PLCG2: variants seen among roughly 807,000 people sequenced by gnomAD.
The protein encoded by PLCG2 is 1-phosphatidylinositol 4,5-bisphosphate phosphodiesterase gamma-2.
A neutral mutation model predicts 175.6 loss-of-function variants in PLCG2; 69 were observed. The observed-to-expected ratio is 0.39, with a 90% CI of 0.32 to 0.48. The LOEUF is 0.48. Among genes scored for constraint, PLCG2 ranks in the 20% least tolerant of loss-of-function variants. The pLI, the probability that PLCG2 is intolerant of heterozygous loss-of-function variation, is 0.91. For missense variants in PLCG2, 1,798 were observed against 1,650.9 expected, an observed-to-expected ratio of 1.09 and a Z score of -1.54; for synonymous variants, 827 against 624.0, an observed-to-expected ratio of 1.33 and a Z score of -4.85.
At chr16:81,749,065 A>T (rs1909757070) in intron 1 of PLCG2, among the ~76,000 whole-genome samples, 1 of 152,038 alleles carries the variant, frequency 6.6e-6, no homozygotes, top group South Asian at 2.1e-4. Context: ...GCTCCTTTCC[A>T]CTGCGACTTT....
At chr16:81,781,191 T>A (rs72834726) in intron 1 of PLCG2, among the ~76,000 whole-genome samples, 2 of 152,276 alleles carry the variant, frequency 1.3e-5, no homozygotes, top group East Asian at 3.9e-4. Context: ...ACCACTCTCC[T>A]GGATTTACCA....
intron 5 of PLCG2, among the ~76,000 whole-genome samples, chr16:81,868,393 T>C (rs1907349900): frequency 6.6e-6 from 1 of 151,968 alleles, no homozygotes; most frequent in Admixed American, 6.6e-5. Context: ...TTTTTGGGGG[T>C]GCAGGGGGTC....
chr16:81,891,213 A>G (rs1367683417), intron 10 of PLCG2, among the ~76,000 whole-genome samples: 1 of 152,190 alleles, frequency 6.6e-6, no homozygotes, highest in Non-Finnish European at 1.5e-5. Flanking sequence ...GTAAGCATAA[A>G]CCCTTGCAGT....
rs564582171 is a variant in PLCG2 at position 81,781,996 on chromosome 16, C to G, written c.-48+2572C>G. On this transcript the variant is annotated intron_variant, in intron 1 of 32. Coordinates refer to ENST00000564138, the MANE Select transcript of PLCG2 (RefSeq NM_002661.5). ...ACGCCTTTCTCCTGCCTCAGCCTCA[C>G]GAGTAGCTGGGATTACAGGCATGTG... Among the ~76,000 whole-genome samples, 259 of 152,106 alleles carry G rather than the reference C, an allele frequency of 1.7e-3. 3 individuals are homozygous for G. In the South Asian group the frequency reaches 0.017, roughly 10 times the overall value.
Position 81,956,708 on chromosome 16 carries a change from A to C in PLCG2, c.3584A>C (p.Glu1195Ala). 1 of 1,613,934 alleles carries C rather than the reference A, an allele frequency of 6.2e-7. No individual in the cohort carries two copies. The highest frequency in any genetic ancestry group is 8.5e-7 in the Non-Finnish European group (1 of 1,179,968). The change falls in exon 32 of 33, where the codon GAA (glutamate) becomes GCA (alanine). Residue 1195 changes from glutamate to alanine, a missense_variant. Transcript: ENST00000564138. ...TGCATCCTCCAGGAGAGCGAAGAGG[A>C]ACTTTACTCCTCCTGTCGCCAGCTG... ...EMRPVLESEE[E>A]LYSSCRQLRR... is the part of the protein sequence containing the mutation.
chr16:81,770,371 A>T (rs1910251243), intron 2 of PLCG2, among the ~76,000 whole-genome samples: 1 of 152,226 alleles, frequency 6.6e-6, no homozygotes. Context: ...AAACAATGAC[A>T]AGAGAAAAGT....
intron 12 of PLCG2, among the ~76,000 whole-genome samples, chr16:81,894,006 C>T (rs1182055951): frequency 1.4e-5 from 2 of 138,006 alleles, no homozygotes; most frequent in Admixed American, 1.5e-4. Flanking sequence ...ATCTGTATCT[C>T]CTCAGCTTCC....
chr16:81,740,760 A>AAAC (rs1909575262), intron 1 of PLCG2, among the ~76,000 whole-genome samples: 2 of 134,400 alleles, frequency 1.5e-5, no homozygotes, highest in African/African-American at 5.7e-5. Context: ...AAAAAAAAAA[A>AAAC]CCGAAACCAA....
At chr16:81,821,835 C>G (rs890036544) in intron 2 of PLCG2, among the ~76,000 whole-genome samples, 7 of 152,018 alleles carry the variant, frequency 4.6e-5, no homozygotes, top group Admixed American at 1.3e-4. Context: ...TTTGGGGACC[C>G]CTCCCCTCTC....
chr16:81,942,370 C>A (rs1031172764), intron 30 of PLCG2, among the ~76,000 whole-genome samples: 2 of 152,172 alleles, frequency 1.3e-5, no homozygotes, highest in South Asian at 2.1e-4. Context: ...AAAAATGTGA[C>A]CTTCTCCTCC....
chr16:81,907,912 C>T, intron 16 of PLCG2, 138 bp downstream of exon 16: 1 of 622,310 alleles, frequency 1.6e-6, no homozygotes, highest in Non-Finnish European at 2.8e-6. Context: ...TGTTGATACT[C>T]TGGGTACCAT....
chr16:81,865,419 C>T (rs1907180440), intron 5 of PLCG2, among the ~76,000 whole-genome samples: 1 of 152,112 alleles, frequency 6.6e-6, no homozygotes, highest in South Asian at 2.1e-4. Context: ...GTGAGGCTGT[C>T]CCAGAGCTAG....
At chr16:81,761,724 C>T (rs1910045273) in intron 2 of PLCG2, among the ~76,000 whole-genome samples, 1 of 151,932 alleles carries the variant, frequency 6.6e-6, no homozygotes, top group Non-Finnish European at 1.5e-5. Flanking sequence ...TTGCTCTTCT[C>T]ATTTTTCCAA....
intron 30 of PLCG2, 25 bp downstream of exon 30, chr16:81,940,084 T>A (rs752727456): frequency 6.3e-7 from 1 of 1,585,838 alleles, no homozygotes; most frequent in African/African-American, 1.3e-5. Flanking sequence ...AATTAAGATG[T>A]TCGATTTGGG....
intron 30 of PLCG2, among the ~76,000 whole-genome samples, chr16:81,944,823 A>G (rs552470279): frequency 1.3e-4 from 20 of 152,128 alleles, no homozygotes; most frequent in Non-Finnish European, 2.8e-4. Context: ...GGATTTTGGT[A>G]TCTGGGGAGG....
Position 81,883,179 on chromosome 16 carries a change from G to A in PLCG2, c.693-90G>A, listed in dbSNP as rs566464202. On this transcript the variant is annotated intron_variant, in intron 8 of 32. Coordinates refer to ENST00000564138, the MANE Select transcript of PLCG2 (RefSeq NM_002661.5). ...TGCCAGACTAAGTGGGGCGTTCTGG[G>A]TGGCAGGCTGCCCCATTGGCTGGCA... The A allele has an allele frequency of 9.9e-6, 11 of 1,109,326 alleles. No homozygotes were observed. In the African/African-American group the frequency reaches 1.5e-4, roughly 15 times the overall value. 68.7% of individuals were successfully genotyped at this position (1,109,326 alleles called of 1,614,324 possible). A position where few individuals can be genotyped will look rare whatever the true frequency, so the allele number is the denominator to read the frequency against.
intron 12 of PLCG2, among the ~76,000 whole-genome samples, chr16:81,894,255 C>T (rs563504446): frequency 2.3e-4 from 35 of 151,856 alleles, no homozygotes; most frequent in Admixed American, 3.3e-4. Context: ...ATGGTGAGAT[C>T]GTATCATTAC....
intron 2 of PLCG2, among the ~76,000 whole-genome samples, chr16:81,766,310 C>T (rs1312741935): frequency 1.3e-5 from 2 of 152,230 alleles, no homozygotes; most frequent in African/African-American, 2.4e-5. Flanking sequence ...TGTTTCTCCT[C>T]TGCAGGGCTG....
At chr16:81,744,165 CTT>C (rs1185124266) in intron 1 of PLCG2, among the ~76,000 whole-genome samples, 26 of 127,642 alleles carry the variant, frequency 2.0e-4, no homozygotes, top group Non-Finnish European at 1.3e-4. Flanking sequence ...GCCAACTTCC[CTT>C]TTTTTTTTTT....
Sources: allele counts gnomAD v4.1 joint callset (sites outside exome capture counted in the v4.1 genomes callset), GRCh38; gene constraint gnomAD v4.1.1; transcripts MANE v1.5; gene names NCBI Gene and HGNC (gene_info 2026-07-23, HGNC 2026-07-21).